SYT13: variants seen among roughly 807,000 people sequenced by gnomAD.
SYT13 encodes synaptotagmin-13.
Under a neutral mutation model 38.6 loss-of-function variants are expected in SYT13, and 21 were observed. That is an observed-to-expected ratio of 0.54 (90% CI 0.39 to 0.78). The LOEUF is 0.78. SYT13 is among the 30% of genes least tolerant of loss of function. SYT13 has a pLI of 0.00. For missense variants in SYT13, 495 were observed against 548.7 expected, an observed-to-expected ratio of 0.90 and a Z score of 0.98; for synonymous variants, 241 against 237.6, an observed-to-expected ratio of 1.01 and a Z score of -0.13.
intron 3 of SYT13, chr11:45,253,857 C>T (rs755704767): frequency 3.1e-4 from 47 of 153,728 alleles, no homozygotes; most frequent in Non-Finnish European, 6.1e-4. Flanking sequence ...GCTCATGTGA[C>T]TGAGCTACGG....
chr11:45,250,041 A>T (rs77590533), intron 4 of SYT13, among the ~76,000 whole-genome samples: 16 of 152,272 alleles, frequency 1.1e-4, no homozygotes, highest in Non-Finnish European at 1.8e-4. Flanking sequence ...GAAGAAAAAC[A>T]TCTGGGCTGC....
At chr11:45,260,463 T>C (rs961797586) in intron 1 of SYT13, among the ~76,000 whole-genome samples, 22 of 152,132 alleles carry the variant, frequency 1.4e-4, no homozygotes, top group Admixed American at 1.0e-3. Context: ...GAGAGGGTTC[T>C]AGGTGAAGAA....
chr11:45,268,542 T>C (rs981806060), intron 1 of SYT13, among the ~76,000 whole-genome samples: 6 of 152,318 alleles, frequency 3.9e-5, no homozygotes, highest in African/African-American at 1.4e-4. Flanking sequence ...ACCCATTCGG[T>C]TTCATTTAAA....
Position 45,241,987 on chromosome 11 carries a change from T to G in SYT13, c.*2065A>C, listed in dbSNP as rs1854557252. 6.6e-6 allele frequency: 1 copy of G among 152,184 alleles called. No individual in the cohort carries two copies. Among genetic ancestry groups the G allele is most frequent in the Non-Finnish European group, 1.5e-5 (1 of 68,044 alleles). 9.4% of individuals were successfully genotyped at this position (152,184 alleles called of 1,614,324 possible). ...GTTTTTTCAGAGGATGGTTAGAAGTTATTTCTAATGCTTTTCTATTTCTGT... is the reference window on the plus strand; with the variant it reads ...GTTTTTTCAGAGGATGGTTAGAAGTGATTTCTAATGCTTTTCTATTTCTGT... On this transcript the variant is annotated 3_prime_UTR_variant, in exon 6 of 6. Transcript: ENST00000020926.
intron 1 of SYT13, among the ~76,000 whole-genome samples, chr11:45,278,720 TA>T (rs1442666758): frequency 1.3e-5 from 2 of 151,876 alleles, no homozygotes; most frequent in African/African-American, 4.9e-5. Flanking sequence ...AAGAAGGAAC[TA>T]GGGGAGGAAG....
intron 4 of SYT13, among the ~76,000 whole-genome samples, chr11:45,247,372 G>A (rs1854625800): frequency 6.6e-6 from 1 of 152,202 alleles, no homozygotes; most frequent in Admixed American, 6.5e-5. Flanking sequence ...GGAAGAAGAT[G>A]CCCTTCCCTC....
chr11:45,276,429 T>A (rs1855010794), intron 1 of SYT13, among the ~76,000 whole-genome samples: 1 of 151,990 alleles, frequency 6.6e-6, no homozygotes, highest in Non-Finnish European at 1.5e-5. Flanking sequence ...CCGGGACCTG[T>A]CAGTGGGTGG....
intron 1 of SYT13, among the ~76,000 whole-genome samples, chr11:45,267,870 G>A (rs374871480): frequency 6.6e-6 from 1 of 152,132 alleles, no homozygotes; most frequent in African/African-American, 2.4e-5. Flanking sequence ...TTTCCATGGC[G>A]ACATTACCCT....
intron 1 of SYT13, among the ~76,000 whole-genome samples, chr11:45,274,005 T>A (rs1353915720): frequency 6.6e-6 from 1 of 152,208 alleles, no homozygotes; most frequent in Non-Finnish European, 1.5e-5. Context: ...CCTTGTAGAA[T>A]CCCTGTTTCA....
intron 1 of SYT13, among the ~76,000 whole-genome samples, chr11:45,281,128 A>G (rs1855066042): frequency 6.6e-6 from 1 of 152,108 alleles, no homozygotes; most frequent in African/African-American, 2.4e-5. Context: ...CCCAGGAGGC[A>G]GAGGTTGCAG....
intron 1 of SYT13, among the ~76,000 whole-genome samples, chr11:45,273,804 C>T (rs143752240): frequency 1.7e-3 from 252 of 152,332 alleles, no homozygotes; most frequent in African/African-American, 5.8e-3. Context: ...TCATTTATCA[C>T]GTCTGGAATA....
chr11:45,269,284 A>G, intron 1 of SYT13: 1 of 438,160 alleles, frequency 2.3e-6, no homozygotes, highest in South Asian at 2.5e-5. Flanking sequence ...TGCAATCCCA[A>G]CATTTCTGGC....
intron 1 of SYT13, among the ~76,000 whole-genome samples, chr11:45,263,094 G>A (rs1266704984): frequency 2.0e-5 from 3 of 152,160 alleles, no homozygotes; most frequent in Admixed American, 6.5e-5. Context: ...CCTCATGAAG[G>A]GTAGCACAGA....
intron 1 of SYT13, among the ~76,000 whole-genome samples, chr11:45,264,722 G>A (rs1156579579): frequency 2.0e-5 from 3 of 152,152 alleles, no homozygotes; most frequent in African/African-American, 7.2e-5. Context: ...GGGGTAGTTT[G>A]TTACACAGCA....
chr11:45,245,531 T>C lies in SYT13; in HGVS notation c.976+852A>G, dbSNP rs906918257. Among the ~76,000 whole-genome samples, 13 of 152,360 alleles carry C rather than the reference T, an allele frequency of 8.5e-5. No individual in the cohort carries two copies. The South Asian group carries it at 1.0e-3, about 12-fold the overall frequency. On this transcript the variant is annotated intron_variant, in intron 5 of 5. Transcript: ENST00000020926. ...TCTGATTCCATTAGCCCCAAGTCTT[T>C]TGCTCGAAATTCAGAATGCAGTGGC...
At chr11:45,257,450 C>A (rs1256931823) in intron 1 of SYT13, among the ~76,000 whole-genome samples, 1 of 152,190 alleles carries the variant, frequency 6.6e-6, no homozygotes, top group Non-Finnish European at 1.5e-5. Flanking sequence ...TGCTAGCCCT[C>A]CTGGCCCTCC....
At chr11:45,276,718 A>T (rs867399802) in intron 1 of SYT13, among the ~76,000 whole-genome samples, 12,119 of 136,474 alleles carry the variant, frequency 0.089, 1,278 homozygotes, top group African/African-American at 0.27. Context: ...TTTTTAAAAA[A>T]AAAAAATAAA....
intron 1 of SYT13, among the ~76,000 whole-genome samples, chr11:45,256,248 T>C (rs1175134425): frequency 1.3e-5 from 2 of 151,972 alleles, no homozygotes; most frequent in Non-Finnish European, 2.9e-5. Context: ...TCCCTCCTCT[T>C]CTCCACCTAA....
At chr11:45,271,662 C>G (rs1284438695) in intron 1 of SYT13, among the ~76,000 whole-genome samples, 2 of 152,142 alleles carry the variant, frequency 1.3e-5, no homozygotes, top group Admixed American at 6.5e-5. Context: ...ATGAGCAAAA[C>G]AGTGTTTTCA....
Sources: allele counts gnomAD v4.1 joint callset (sites outside exome capture counted in the v4.1 genomes callset), GRCh38; gene constraint gnomAD v4.1.1; transcripts MANE v1.5; gene names NCBI Gene and HGNC (gene_info 2026-07-23, HGNC 2026-07-21).